DNAH14: variants seen among roughly 807,000 people sequenced by gnomAD.
DNAH14 encodes the protein axonemal beta dynein heavy chain 14.
A neutral mutation model predicts 520.9 loss-of-function variants in DNAH14; 478 were observed. The observed-to-expected ratio is 0.92, with a 90% CI of 0.85 to 0.99. The LOEUF (loss-of-function observed/expected upper bound fraction) is 0.99, where lower values mean the gene tolerates loss of function less well. Ranked by LOEUF, DNAH14 falls within the 50% of genes least tolerant of loss-of-function variation. The probability of loss-of-function intolerance (pLI) is 0.00; values close to 1 mark genes in which losing one functional copy is unlikely to be tolerated. For missense variants in DNAH14, 4,831 were observed against 5,234.5 expected, an observed-to-expected ratio of 0.92 and a Z score of 2.38; for synonymous variants, 1,581 against 1,757.2, an observed-to-expected ratio of 0.90 and a Z score of 2.51.
At chr1:225,363,009 A>G (rs12735093) in intron 75 of DNAH14, among the ~76,000 whole-genome samples, 61,978 of 151,850 alleles carry the variant, frequency 0.41, 13,200 homozygotes, top group East Asian at 0.62. Flanking sequence ...TTCATTTTGT[A>G]TTGTGTTTTT....
At chr1:224,978,464 T>A (rs557423598) in intron 8 of DNAH14, among the ~76,000 whole-genome samples, 3 of 152,212 alleles carry the variant, frequency 2.0e-5, no homozygotes, top group Non-Finnish European at 2.9e-5. Context: ...TTTGAACTCA[T>A]AGAAGTGGAG....
chr1:225,191,205 C>A (rs1465553027), intron 37 of DNAH14, among the ~76,000 whole-genome samples: 1 of 151,834 alleles, frequency 6.6e-6, no homozygotes, highest in Non-Finnish European at 1.5e-5. Context: ...TCATTTGAGC[C>A]TGAAGCATTT....
intron 1 of DNAH14, 40 bp downstream of exon 1, chr1:224,929,875 C>A: frequency 1.6e-6 from 1 of 627,148 alleles, no homozygotes; most frequent in Non-Finnish European, 2.9e-6. Context: ...GTCGGCAGAG[C>A]CTCGGCGGGC....
chr1:225,229,076 A>G (rs1328711805), intron 41 of DNAH14, among the ~76,000 whole-genome samples: 1 of 152,056 alleles, frequency 6.6e-6, no homozygotes, highest in African/African-American at 2.4e-5. Context: ...TGTTTGCTCC[A>G]AGCCTTTGTC....
intron 8 of DNAH14, among the ~76,000 whole-genome samples, chr1:224,993,570 TTC>T (rs1247948678): frequency 6.6e-6 from 1 of 151,944 alleles, no homozygotes. Flanking sequence ...ATTTTGAGTT[TTC>T]TCTCCTTTTT....
intron 41 of DNAH14, 69 bp downstream of exon 41, chr1:225,207,289 A>G: frequency 2.9e-6 from 4 of 1,376,446 alleles, no homozygotes; most frequent in Non-Finnish European, 3.8e-6. Flanking sequence ...ATCACCGTCT[A>G]TTAGATTTTA....
intron 12 of DNAH14, among the ~76,000 whole-genome samples, chr1:225,039,317 A>G (rs1296082048): frequency 6.6e-6 from 1 of 152,176 alleles, no homozygotes; most frequent in African/African-American, 2.4e-5. Context: ...CTTTTGTTCA[A>G]AGCATTTTTG....
At chr1:225,008,575 C>CTTTTTTTTTTTTT (rs57331050) in intron 10 of DNAH14, among the ~76,000 whole-genome samples, 45 of 98,314 alleles carry the variant, frequency 4.6e-4, no homozygotes, top group African/African-American at 1.5e-3. Context: ...TTTTTCCTGA[C>CTTTTTTTTTTTTT]TTTTTTTTTT....
rs557989508 is a variant in DNAH14 at position 225,320,203 on chromosome 1, A to G, written c.9335+1526A>G. On this transcript the variant is annotated intron_variant, in intron 61 of 85. Transcript: ENST00000682510. Reference sequence around the variant, plus strand: ...GGGGATCCTGGCACTGCCACTTTCTAGCTGTATAAGCTCTCTGTGCCTGAG... The same window carrying G: ...GGGGATCCTGGCACTGCCACTTTCTGGCTGTATAAGCTCTCTGTGCCTGAG... Among the ~76,000 whole-genome samples, 5 of 152,310 alleles carry G rather than the reference A, an allele frequency of 3.3e-5. No individual in the cohort carries two copies. In the East Asian group the frequency reaches 9.6e-4, roughly 29 times the overall value.
chr1:225,054,162 G>C (rs2148336535), intron 17 of DNAH14, among the ~76,000 whole-genome samples: 1 of 152,152 alleles, frequency 6.6e-6, no homozygotes, highest in Non-Finnish European at 1.5e-5. Context: ...CCCCTGGAGG[G>C]GTCAGAAGGT....
intron 38 of DNAH14, among the ~76,000 whole-genome samples, chr1:225,197,310 T>G (rs1189805744): frequency 6.6e-6 from 1 of 151,434 alleles, no homozygotes; most frequent in South Asian, 2.1e-4. Flanking sequence ...CCTTTCCCCA[T>G]TTTATGTTTC....
chr1:224,955,538 T>C (rs920371825), intron 3 of DNAH14, among the ~76,000 whole-genome samples: 6 of 152,152 alleles, frequency 3.9e-5, no homozygotes, highest in Non-Finnish European at 7.4e-5. Flanking sequence ...CTTTTTTCCT[T>C]CTTCACTCAA....
intron 45 of DNAH14, 119 bp from the exon 46 acceptor site, chr1:225,259,002 C>A (rs2092835654): frequency 1.8e-6 from 2 of 1,129,470 alleles, no homozygotes; most frequent in Non-Finnish European, 1.2e-6. Flanking sequence ...AAGGGAAGAA[C>A]AAAAAAACAC....
chr1:224,967,367 G>A, intron 5 of DNAH14, 64 bp from the exon 6 acceptor site: 2 of 1,208,618 alleles, frequency 1.7e-6, no homozygotes, highest in Non-Finnish European at 2.2e-6. Flanking sequence ...TTCACCCATT[G>A]TATTAATTTA....
At chr1:225,331,791 T>A (rs531919996) in intron 65 of DNAH14, among the ~76,000 whole-genome samples, 2 of 152,328 alleles carry the variant, frequency 1.3e-5, no homozygotes, top group African/African-American at 4.8e-5. Flanking sequence ...TATCTGACGT[T>A]ATCTCCTGTT....
intron 17 of DNAH14, among the ~76,000 whole-genome samples, chr1:225,065,884 TG>T (rs2070829297): frequency 6.6e-6 from 1 of 152,014 alleles, no homozygotes; most frequent in Non-Finnish European, 1.5e-5. Context: ...TACCCAGAAG[TG>T]AGATTGTTGG....
chr1:225,382,953 A>G (rs1371912631), intron 81 of DNAH14, among the ~76,000 whole-genome samples: 1 of 152,226 alleles, frequency 6.6e-6, no homozygotes, highest in Non-Finnish European at 1.5e-5. Flanking sequence ...GAAGGCCATC[A>G]CAAAAGACCA....
chr1:225,104,978 A>G (rs912668669), intron 23 of DNAH14, among the ~76,000 whole-genome samples: 1 of 152,078 alleles, frequency 6.6e-6, no homozygotes, highest in Non-Finnish European at 1.5e-5. Context: ...TTGTGATGTT[A>G]GGGTGTCAAT....
chr1:225,352,843 G>A (rs1054306667), intron 72 of DNAH14, among the ~76,000 whole-genome samples: 3 of 151,842 alleles, frequency 2.0e-5, no homozygotes, highest in African/African-American at 4.8e-5. Flanking sequence ...TTGATTTCAA[G>A]TTCTTATTAA....
Sources: gnomAD v4.1 joint callset for allele counts (sites outside exome capture counted in the v4.1 genomes callset) on GRCh38, gnomAD v4.1.1 for gene constraint, MANE v1.5 for transcripts, NCBI Gene and HGNC (gene_info 2026-07-23, HGNC 2026-07-21) for gene names.